ALOXE3: variants seen among roughly 807,000 people sequenced by gnomAD.
The protein encoded by ALOXE3 is hydroperoxide isomerase ALOXE3.
In ALOXE3, 78 loss-of-function variants were observed where a neutral mutation model predicts 87.5. That is an observed-to-expected ratio of 0.89 (90% confidence interval 0.74 to 1.08). The LOEUF (loss-of-function observed/expected upper bound fraction) is 1.08, where lower values mean the gene tolerates loss of function less well. Ranked by LOEUF, ALOXE3 falls within the 50% of genes least tolerant of loss-of-function variation. ALOXE3 has a pLI of 0.00. For missense variants in ALOXE3, 946 were observed against 912.4 expected (o/e 1.04, Z -0.47); for synonymous variants, 363 against 370.8 (o/e 0.98, Z 0.24).
At position 8,116,986 on chromosome 17, in the gene ALOXE3, G is replaced by A. The variant is rs757149779; in HGVS notation, c.148-6C>T. The A allele has an allele frequency of 5.0e-6, 8 of 1,612,998 alleles. No individual in the cohort carries two copies. In the Admixed American group the frequency reaches 1.0e-4, roughly 20 times the overall value. On this transcript the variant is annotated splice_region_variant and splice_polypyrimidine_tract_variant and intron_variant, in intron 2 of 15. Transcript: ENST00000448843. ...CGCACCTTGTACTTCTGTACCTGAG[G>A]GGACCAAGACAGCAAGCAGGTGAGA...
chr17:8,106,299 G>A (rs551220937), intron 13 of ALOXE3, among the ~76,000 whole-genome samples: 38 of 152,248 alleles, frequency 2.5e-4, no homozygotes, highest in South Asian at 1.7e-3. Flanking sequence ...AGAACAGAGA[G>A]GTTGGGAGGC....
At chr17:8,097,625 C>G (rs959627433) in intron 15 of ALOXE3, among the ~76,000 whole-genome samples, 3 of 151,910 alleles carry the variant, frequency 2.0e-5, no homozygotes, top group South Asian at 4.2e-4. Context: ...ACAGGACTGT[C>G]CCTCCCTCAT....
rs1979928648 is a variant in ALOXE3 at position 8,110,226 on chromosome 17, C to T, written c.1171G>A (p.Ala391Thr). The stretch of plus-strand genomic sequence containing the variant: ...TCAGAGTTGCGCACCCACGTCTTGG[C>T]CAGCAGCCAGTCCCATTCGGAGTCA... ...PTDSEWDWLL[A>T]KTWVRNSEFL... Residue 391 changes from alanine to threonine, a missense_variant, in exon 10 of 16, where the codon GCC becomes ACC. Physicochemically the swap from Ala to Thr is moderately conservative, Grantham distance 58. Coordinates refer to ENST00000448843, the MANE Select transcript of ALOXE3 (RefSeq NM_021628.3). The T allele has an allele frequency of 6.2e-7, 1 of 1,614,102 alleles. No individual in the cohort carries two copies. The highest frequency in any genetic ancestry group is 8.5e-7 in the Non-Finnish European group (1 of 1,179,932).
chr17:8,096,466 G>T lies in ALOXE3; in HGVS notation c.*161C>A, dbSNP rs745793871. On this transcript the variant is annotated 3_prime_UTR_variant, in exon 16 of 16. Transcript: ENST00000448843. ...TCTCTCACAGCTCAGGGCCCAGTTT[G>T]TATGATGTCAGAGCCATCTTGGCTG... The T allele has an allele frequency of 1.2e-5, 8 of 666,448 alleles. No individual in the cohort carries two copies. In the African/African-American group the frequency reaches 1.4e-4, roughly 12 times the overall value. The allele number at this position is 666,448 out of a possible 1,614,324, so 41.3% of individuals were successfully genotyped here. A position where few individuals can be genotyped will look rare whatever the true frequency, so the allele number is the denominator to read the frequency against.
chr17:8,103,174 T>C, intron 15 of ALOXE3, 149 bp downstream of exon 15: 1 of 885,180 alleles, frequency 1.1e-6, no homozygotes. Context: ...TTTGGGATTA[T>C]CATTTTCTGA....
intron 8 of ALOXE3, 33 bp from the exon 9 acceptor site, chr17:8,110,561 C>G (rs754736936): frequency 2.9e-5 from 46 of 1,613,092 alleles, no homozygotes; most frequent in Non-Finnish European, 3.7e-5. Flanking sequence ...GAGTGTCCCT[C>G]CCTACTCGCG....
intron 13 of ALOXE3, 148 bp from the exon 14 acceptor site, chr17:8,104,363 C>T (rs1979135260): frequency 3.0e-6 from 2 of 665,582 alleles, no homozygotes; most frequent in East Asian, 5.8e-5. Context: ...TAGGGATGGC[C>T]ACCACCAAGA....
chr17:8,110,450 C>T lies in ALOXE3; in HGVS notation c.1036G>A (p.Val346Met), dbSNP rs1568000004. 1.2e-6 allele frequency: 2 copies of T among 1,613,378 alleles called. No homozygotes were observed. Among genetic ancestry groups the T allele is most frequent in the South Asian group, 2.2e-5 (2 of 91,010 alleles). Residue 346 changes from valine to methionine, a missense_variant, in exon 9 of 16, where the codon GTG becomes ATG. Coordinates refer to ENST00000448843, the MANE Select transcript of ALOXE3 (RefSeq NM_021628.3). The stretch of plus-strand genomic sequence containing the variant: ...CACAGCAGGCACAGTGGGGCGGCCA[C>T]GTACTGCTGGCGGCCGTTTAGGCAG... ...THCLNGRQQY[V>M]AAPLCLLWLS... is the part of the protein sequence containing the mutation.
rs566638786 is a variant in ALOXE3, at chr17:8,116,693, A to G, written c.352+83T>C. ...GTTTCTGACCTCAATCTTATTCCCT[A>G]TACTCTGGGGCTCTGTGAGACCCCA... On this transcript the variant is annotated intron_variant, in intron 3 of 15. Coordinates refer to ENST00000448843, the MANE Select transcript of ALOXE3 (RefSeq NM_021628.3). 877 of 1,492,356 alleles carry G rather than the reference A, an allele frequency of 5.9e-4. 3 individuals are homozygous for G. Among genetic ancestry groups the G allele is most frequent in the Non-Finnish European group, 3.6e-4 (390 of 1,072,934 alleles). The allele number at this position is 1,492,356 out of a possible 1,614,324, so 92.4% of individuals were successfully genotyped here.
In ALOXE3 at chr17:8,103,375, C is replaced by T; in HGVS notation, c.1904G>A (p.Ser635Asn). 6 of 1,614,086 alleles carry T rather than the reference C, an allele frequency of 3.7e-6. No individual in the cohort carries two copies. Among genetic ancestry groups the T allele is most frequent in the Non-Finnish European group, 4.2e-6 (5 of 1,179,998 alleles). ...YLDTLPEVNI[S>N]CNNLLLFWLV... Reference sequence around the variant, plus strand: ...CCAGAAGAGGAGGAGGTTGTTACAGCTGATGTTCACTTCAGGGAGGGTGTC... The same window carrying T: ...CCAGAAGAGGAGGAGGTTGTTACAGTTGATGTTCACTTCAGGGAGGGTGTC... Residue 635 changes from serine to asparagine, a missense_variant, in exon 15 of 16, where the codon AGC becomes AAC. Ser to Asn is a conservative substitution (Grantham distance 46). Transcript: ENST00000448843.
In ALOXE3 at chr17:8,110,192, A is replaced by G. The variant is rs1479639263; in HGVS notation, c.1205T>C (p.Val402Ala). Residue 402 changes from valine to alanine, a missense_variant, in exon 10 of 16, where the codon GTG becomes GCG. Coordinates refer to ENST00000448843, the MANE Select transcript of ALOXE3 (RefSeq NM_021628.3). ...KTWVRNSEFLVHENNTHFLCT... is the reference protein window; with the variant it reads ...KTWVRNSEFLAHENNTHFLCT... ...CAGAAAGTGCGTGTTGTTTTCGTGCACCAGGAACTCAGAGTTGCGCACCCA... is the reference window on the plus strand; with the variant it reads ...CAGAAAGTGCGTGTTGTTTTCGTGCGCCAGGAACTCAGAGTTGCGCACCCA... The G allele has an allele frequency of 2.5e-6, 4 of 1,614,000 alleles. No homozygotes were observed. The highest frequency in any genetic ancestry group is 2.5e-6 in the Non-Finnish European group (3 of 1,179,966).
intron 8 of ALOXE3, 84 bp downstream of exon 8, chr17:8,111,275 A>T: frequency 1.3e-6 from 2 of 1,558,202 alleles, no homozygotes; most frequent in Non-Finnish European, 1.8e-6. Context: ...GGCCATTTCC[A>T]TACCCTCCAC....
At chr17:8,105,079 A>G (rs993580463) in intron 13 of ALOXE3, among the ~76,000 whole-genome samples, 1 of 152,166 alleles carries the variant, frequency 6.6e-6, no homozygotes, top group African/African-American at 2.4e-5. Context: ...ACTGGCAAGG[A>G]CAAATGCCCG....
At chr17:8,114,660 C>T (rs750640763) in intron 5 of ALOXE3, 51 bp from the exon 6 acceptor site, 48 of 1,611,390 alleles carry the variant, frequency 3.0e-5, no homozygotes, top group Non-Finnish European at 3.9e-5. Context: ...GGCCCTGAAG[C>T]CCAGCTGCTC....
rs1979043884 is a variant in ALOXE3, at chr17:8,103,353, G to A, written c.1926C>T (p.Phe642=). 6.2e-7 allele frequency: 1 copy of A among 1,613,944 alleles called. No homozygotes were observed. Among genetic ancestry groups the A allele is most frequent in the Non-Finnish European group, 8.5e-7 (1 of 1,179,988 alleles). The change falls in exon 15 of 16, where the codon TTC becomes TTT. Residue 642 remains phenylalanine, a synonymous_variant. Transcript: ENST00000448843. ...CCTTGGGTTCTTGGCTAACCAACCA[G>A]AAGAGGAGGAGGTTGTTACAGCTGA... The part of the protein sequence containing the change: ...VNISCNNLLL[F]WLVSQEPKDQ...
intron 13 of ALOXE3, among the ~76,000 whole-genome samples, chr17:8,105,757 G>C (rs1185738536): frequency 6.6e-6 from 1 of 151,638 alleles, no homozygotes; most frequent in African/African-American, 2.4e-5. Context: ...TTTTTAAAAA[G>C]GTAACTGGAT....
chr17:8,118,275 C>T lies in ALOXE3; in HGVS notation c.-285G>A. On this transcript the variant is annotated 5_prime_UTR_variant, in exon 2 of 16. Transcript: ENST00000448843. ...CAGCCGGTCCCTCTGGCTGGCTCAC[C>T]CAGATGGATATCAGGAGCCTGGGTT... is the stretch of plus-strand genomic sequence containing the variant. 4.5e-6 allele frequency: 7 copies of T among 1,551,718 alleles called. No individual in the cohort carries two copies. Among genetic ancestry groups the T allele is most frequent in the Non-Finnish European group, 6.1e-6 (7 of 1,147,020 alleles).
chr17:8,098,876 G>T (rs1978738443), intron 15 of ALOXE3, among the ~76,000 whole-genome samples: 1 of 151,520 alleles, frequency 6.6e-6, no homozygotes, highest in Admixed American at 6.6e-5. Flanking sequence ...GTTTAAACAG[G>T]GTCTCACTCT....
At chr17:8,110,317 G>A (rs1358555859) in intron 9 of ALOXE3, 22 bp from the exon 10 acceptor site, 1 of 1,612,532 alleles carries the variant, frequency 6.2e-7, no homozygotes, top group Non-Finnish European at 8.5e-7. Context: ...AGGAACGAGG[G>A]ATGATGGGGC....
Sources: gnomAD v4.1 joint callset for allele counts (sites outside exome capture counted in the v4.1 genomes callset) on GRCh38, gnomAD v4.1.1 for gene constraint, MANE v1.5 for transcripts, NCBI Gene and HGNC (gene_info 2026-07-23, HGNC 2026-07-21) for gene names.